IPMK: variants seen among roughly 807,000 people sequenced by gnomAD.
IPMK encodes inositol polyphosphate multikinase, also known as inositol 1,3,4,6-tetrakisphosphate 5-kinase.
In IPMK, 17 loss-of-function variants were observed where a neutral mutation model predicts 45.8. The ratio of observed to expected loss-of-function variants is 0.37; its 90% CI spans 0.25 to 0.56. IPMK has a LOEUF of 0.56. Ranked by LOEUF, IPMK falls within the 20% of genes least tolerant of loss-of-function variation. The pLI, the probability that IPMK is intolerant of heterozygous loss-of-function variation, is 0.79. For missense variants in IPMK, 399 were observed against 498.0 expected, an observed-to-expected ratio of 0.80 and a Z score of 1.89; for synonymous variants, 180 against 184.3, an observed-to-expected ratio of 0.98 and a Z score of 0.19.
At position 58,198,277 on chromosome 10, in the gene IPMK, T is replaced by C. The variant is rs542478188; in HGVS notation, c.628+963A>G. On this transcript the variant is annotated intron_variant, in intron 5 of 5. Transcript: ENST00000373935. Reference sequence around the variant, plus strand: ...CCCACGTTAGGTATATTATTGAAAATTGAGACCTTTAAATGTTTTAACCTA... The same window carrying C: ...CCCACGTTAGGTATATTATTGAAAACTGAGACCTTTAAATGTTTTAACCTA... Among the ~76,000 whole-genome samples, 12 of 152,334 alleles carry C rather than the reference T, an allele frequency of 7.9e-5. No homozygotes were observed. In the South Asian group the frequency reaches 1.4e-3, roughly 18 times the overall value.
rs989782711 is a variant in IPMK, at chr10:58,260,799, T to C, written c.190+6623A>G. Among the ~76,000 whole-genome samples, 3 of 152,156 alleles carry C rather than the reference T, an allele frequency of 2.0e-5. No individual in the cohort carries two copies. In the East Asian group the frequency reaches 5.8e-4, roughly 29 times the overall value. On this transcript the variant is annotated intron_variant, in intron 1 of 5. Transcript: ENST00000373935. ...AAGGACTAAATAGAGAGATATACCA[T>C]GTTCAAGTATTGGAAGACTCAATAT...
At chr10:58,257,503 AAAT>A (rs1838989652) in intron 1 of IPMK, among the ~76,000 whole-genome samples, 2 of 126,116 alleles carry the variant, frequency 1.6e-5, no homozygotes, top group South Asian at 6.1e-4. Flanking sequence ...TCAAAAACAA[AAAT>A]AAATAAATAA....
chr10:58,265,856 T>TTAA (rs2132270838), intron 1 of IPMK, among the ~76,000 whole-genome samples: 1 of 152,348 alleles, frequency 6.6e-6, no homozygotes, highest in Non-Finnish European at 1.5e-5. Flanking sequence ...AAGTGACAAT[T>TTAA]ATTTAGATTG....
intron 4 of IPMK, among the ~76,000 whole-genome samples, chr10:58,206,048 C>G (rs1468412211): frequency 6.6e-6 from 1 of 152,084 alleles, no homozygotes; most frequent in Non-Finnish European, 1.5e-5. Context: ...AGAAACAACC[C>G]AAAGTCCATC....
chr10:58,216,366 C>A, intron 3 of IPMK, 49 bp from the exon 4 acceptor site: 2 of 821,762 alleles, frequency 2.4e-6, no homozygotes, highest in Non-Finnish European at 3.5e-6. Context: ...CATATTACTA[C>A]TCAAGTACTT....
chr10:58,204,673 T>G (rs1016476920), intron 4 of IPMK, among the ~76,000 whole-genome samples: 1 of 152,056 alleles, frequency 6.6e-6, no homozygotes, highest in African/African-American at 2.4e-5. Context: ...TGTACACTTG[T>G]AGTGTCAATT....
intron 4 of IPMK, among the ~76,000 whole-genome samples, chr10:58,202,009 G>T (rs1838005390): frequency 6.6e-6 from 1 of 152,208 alleles, no homozygotes; most frequent in Non-Finnish European, 1.5e-5. Flanking sequence ...AGCTGCGAAA[G>T]AAAAGTGCAA....
At chr10:58,217,332 G>A (rs1238923235) in intron 3 of IPMK, among the ~76,000 whole-genome samples, 1 of 151,842 alleles carries the variant, frequency 6.6e-6, no homozygotes, top group Non-Finnish European at 1.5e-5. Flanking sequence ...TAGTTTGAAA[G>A]CCAGGGTCCA....
At chr10:58,246,653 T>A (rs1004125328) in intron 1 of IPMK, among the ~76,000 whole-genome samples, 3 of 146,212 alleles carry the variant, frequency 2.1e-5, no homozygotes, top group Non-Finnish European at 4.4e-5. Context: ...AAAAATCAAT[T>A]CAAGATGGAT....
At position 58,244,026 on chromosome 10, in the gene IPMK, G is replaced by A. The variant is rs372155959; in HGVS notation, c.191-6212C>T. Among the ~76,000 whole-genome samples the A allele has an allele frequency of 1.3e-4, 19 of 147,916 alleles. No individual in the cohort carries two copies. In the South Asian group the frequency reaches 3.3e-3, roughly 26 times the overall value. On this transcript the variant is annotated intron_variant, in intron 1 of 5. Coordinates refer to ENST00000373935, the MANE Select transcript of IPMK (RefSeq NM_152230.5). ...AAGGGCGTCTCTGCCCGGCTGCCCC[G>A]CCTGGGAAGTGAGGGGCACCTCTGC...
At chr10:58,228,659 G>C (rs992542054) in intron 2 of IPMK, among the ~76,000 whole-genome samples, 1 of 152,090 alleles carries the variant, frequency 6.6e-6, no homozygotes, top group Non-Finnish European at 1.5e-5. Context: ...TCAGCCTCCC[G>C]AGTAGCTGGG....
At chr10:58,225,186 C>T (rs1045902258) in intron 3 of IPMK, among the ~76,000 whole-genome samples, 3 of 152,112 alleles carry the variant, frequency 2.0e-5, no homozygotes, top group African/African-American at 7.2e-5. Context: ...CTTAGGAGCA[C>T]CAATATCTCC....
At chr10:58,265,645 C>T (rs1839137050) in intron 1 of IPMK, among the ~76,000 whole-genome samples, 1 of 152,176 alleles carries the variant, frequency 6.6e-6, no homozygotes. Context: ...ACTGTCCCTA[C>T]TCAAAAGACC....
At chr10:58,252,815 T>C (rs556084745) in intron 1 of IPMK, among the ~76,000 whole-genome samples, 1 of 152,228 alleles carries the variant, frequency 6.6e-6, no homozygotes, top group South Asian at 2.1e-4. Flanking sequence ...TTTCACCATG[T>C]TGGCCAGGCT....
At chr10:58,237,964 C>G in intron 1 of IPMK, 150 bp from the exon 2 acceptor site, 1 of 621,604 alleles carries the variant, frequency 1.6e-6, no homozygotes, top group African/African-American at 1.8e-5. Context: ...AACATTCAAC[C>G]AACATGTTTC....
chr10:58,233,141 T>G (rs1308053154), intron 2 of IPMK, among the ~76,000 whole-genome samples: 1 of 152,164 alleles, frequency 6.6e-6, no homozygotes, highest in Non-Finnish European at 1.5e-5. Flanking sequence ...CACCTCTGAA[T>G]AGACCAATAA....
chr10:58,232,268 T>C (rs1019210253), intron 2 of IPMK, among the ~76,000 whole-genome samples: 2 of 152,050 alleles, frequency 1.3e-5, no homozygotes, highest in Non-Finnish European at 2.9e-5. Context: ...TATTAAGACA[T>C]ATCAACGAGA....
At chr10:58,267,321 G>A (rs1330580770) in intron 1 of IPMK, 101 bp downstream of exon 1, 1 of 1,167,142 alleles carries the variant, frequency 8.6e-7, no homozygotes, top group Non-Finnish European at 1.3e-6. Context: ...TGCACACCAG[G>A]GGGGCGTCCA....
chr10:58,266,423 G>C (rs938374965), intron 1 of IPMK, among the ~76,000 whole-genome samples: 4 of 152,150 alleles, frequency 2.6e-5, no homozygotes, highest in African/African-American at 7.2e-5. Flanking sequence ...AAGAACTCTT[G>C]GTTTCACAAT....
Sources: gnomAD v4.1 joint callset for allele counts (sites outside exome capture counted in the v4.1 genomes callset) on GRCh38, gnomAD v4.1.1 for gene constraint, MANE v1.5 for transcripts, NCBI Gene and HGNC (gene_info 2026-07-23, HGNC 2026-07-21) for gene names.